Variants in ARHGEF9 observed in about 807,000 individuals in gnomAD.
ARHGEF9 encodes Cdc42 guanine nucleotide exchange factor 9.
In ARHGEF9, 2 loss-of-function variants were observed where a neutral mutation model predicts 41.3. That is an observed-to-expected ratio of 0.05 (90% CI 0.02 to 0.15). The LOEUF is 0.15. Ranked by LOEUF, ARHGEF9 falls within the 10% of genes least tolerant of loss-of-function variation. The pLI, the probability that ARHGEF9 is intolerant of heterozygous loss-of-function variation, is 1.00. For synonymous variants in ARHGEF9, 160 were observed against 154.4 expected (o/e 1.04, Z -0.27); for missense variants, 225 against 424.7 (o/e 0.53, Z 4.13).
chrX:63,749,164 T>C lies in ARHGEF9; in HGVS notation c.31-24453A>G, dbSNP rs782406665. 2.7e-5 allele frequency among the ~76,000 whole-genome samples: 3 copies of C among 112,600 alleles called. No individual in the cohort carries two copies. In the South Asian group the frequency reaches 1.1e-3, roughly 41 times the overall value. ...ATACAAATGAAAGTTATTAAAAATGTGAGTAGCTGAGGAAGCTAGTATGAC... is the reference window on the plus strand; with the variant it reads ...ATACAAATGAAAGTTATTAAAAATGCGAGTAGCTGAGGAAGCTAGTATGAC... On this transcript the variant is annotated intron_variant, in intron 1 of 9. Transcript: ENST00000671741.
chrX:63,753,997 T>C (rs1556444067), intron 1 of ARHGEF9, among the ~76,000 whole-genome samples: 1 of 111,716 alleles, frequency 9.0e-6, no homozygotes, highest in African/African-American at 3.3e-5. Context: ...CCACAAACCC[T>C]TTTCCCCTCA....
At chrX:63,720,220 A>G (rs2053560244) in intron 2 of ARHGEF9, among the ~76,000 whole-genome samples, 1 of 112,161 alleles carries the variant, frequency 8.9e-6, no homozygotes, top group African/African-American at 3.2e-5. Context: ...CCAGGAAAGT[A>G]GTATTGTTTG....
intron 9 of ARHGEF9, chrX:63,641,105 A>G (rs2047597127): frequency 9.0e-6 from 1 of 111,236 alleles, no homozygotes; most frequent in Non-Finnish European, 1.9e-5. Flanking sequence ...TAATCCCAGA[A>G]CTTTGGGAGG....
chrX:63,656,011 T>C (rs1414102053), intron 7 of ARHGEF9, among the ~76,000 whole-genome samples: 2 of 111,519 alleles, frequency 1.8e-5, no homozygotes, highest in Non-Finnish European at 3.8e-5. Context: ...TGATGGGAGG[T>C]AGGAAACAGT....
Position 63,649,783 on chromosome X carries a change from A to C in ARHGEF9, c.1321+5711T>G, listed in dbSNP as rs1433589538. On this transcript the variant is annotated intron_variant, in intron 8 of 9. Transcript: ENST00000671741. ...ATCACCACTGATCCCACAGAAATACAAACTACCATCAGAGAATACTATAAA... is the reference window on the plus strand; with the variant it reads ...ATCACCACTGATCCCACAGAAATACCAACTACCATCAGAGAATACTATAAA... Among the ~76,000 whole-genome samples the C allele has an allele frequency of 2.7e-5, 3 of 112,034 alleles. No homozygotes were observed. The East Asian group carries it at 8.4e-4, about 31-fold the overall frequency.
At chrX:63,735,677 A>C (rs1264787841) in intron 1 of ARHGEF9, among the ~76,000 whole-genome samples, 1 of 111,304 alleles carries the variant, frequency 9.0e-6, no homozygotes, top group African/African-American at 3.3e-5. Context: ...TCTAGAGATG[A>C]AGCAGGAAAA....
chrX:63,774,027 A>C (rs1288979670), intron 1 of ARHGEF9, among the ~76,000 whole-genome samples: 7 of 106,108 alleles, frequency 6.6e-5, no homozygotes, highest in African/African-American at 2.4e-4. Flanking sequence ...CTCCATAATC[A>C]TGAGCAAATC....
chrX:63,700,753 G>A (rs1319537566), intron 3 of ARHGEF9, among the ~76,000 whole-genome samples: 1 of 111,130 alleles, frequency 9.0e-6, no homozygotes, highest in Non-Finnish European at 1.9e-5. Context: ...GTTTGTCTTA[G>A]ATAACACTCA....
intron 8 of ARHGEF9, among the ~76,000 whole-genome samples, chrX:63,646,199 A>G (rs1269782602): frequency 3.6e-5 from 4 of 111,508 alleles, no homozygotes; most frequent in Admixed American, 9.5e-5. Flanking sequence ...CTCTGATGGT[A>G]GTTTCTTTTG....
At chrX:63,771,335 C>T (rs1359725782) in intron 1 of ARHGEF9, among the ~76,000 whole-genome samples, 2 of 111,862 alleles carry the variant, frequency 1.8e-5, no homozygotes, top group Non-Finnish European at 3.8e-5. Flanking sequence ...ATTTCATGCT[C>T]AAAACAATAG....
At chrX:63,658,286 C>T (rs2048994663) in intron 7 of ARHGEF9, among the ~76,000 whole-genome samples, 1 of 111,773 alleles carries the variant, frequency 8.9e-6, no homozygotes, top group African/African-American at 3.3e-5. Flanking sequence ...TTTTCAGGCG[C>T]TAGATTTGTC....
chrX:63,672,261 T>G (rs1264817251), intron 6 of ARHGEF9, among the ~76,000 whole-genome samples: 1 of 110,200 alleles, frequency 9.1e-6, no homozygotes, highest in African/African-American at 3.3e-5. Context: ...CTTCCACAAT[T>G]ATGAGAAATA....
intron 1 of ARHGEF9, among the ~76,000 whole-genome samples, chrX:63,766,340 G>A (rs1156945856): frequency 2.7e-5 from 3 of 111,979 alleles, no homozygotes; most frequent in African/African-American, 9.8e-5. Flanking sequence ...ATCCAGAGGA[G>A]TTAGGTAATT....
intron 8 of ARHGEF9, among the ~76,000 whole-genome samples, chrX:63,644,763 T>TTA (rs1491226124): frequency 1.3e-5 from 1 of 78,077 alleles, no homozygotes; most frequent in Admixed American, 1.2e-4. Flanking sequence ...ATTATTATTA[T>TTA]TTTTTTTTTT....
chrX:63,738,132 G>T (rs868971079), intron 1 of ARHGEF9, among the ~76,000 whole-genome samples: 2 of 111,823 alleles, frequency 1.8e-5, no homozygotes, highest in Admixed American at 9.5e-5. Context: ...ACTTTCCACA[G>T]CACATCTTCA....
At chrX:63,737,949 A>G (rs782330731) in intron 1 of ARHGEF9, among the ~76,000 whole-genome samples, 1 of 112,316 alleles carries the variant, frequency 8.9e-6, no homozygotes, top group South Asian at 3.7e-4. Flanking sequence ...AATGTTTACT[A>G]TGTGTCAGAG....
At chrX:63,746,050 T>A (rs2055253593) in intron 1 of ARHGEF9, among the ~76,000 whole-genome samples, 1 of 112,229 alleles carries the variant, frequency 8.9e-6, no homozygotes. Context: ...AGCTGACGCC[T>A]AGGTGGGAAG....
rs1556296114 is a variant in ARHGEF9, at chrX:63,635,406, G to A, written c.*2622C>T. 1 of 522,956 alleles carries A rather than the reference G, an allele frequency of 1.9e-6. No individual in the cohort carries two copies. Among genetic ancestry groups the A allele is most frequent in the Non-Finnish European group, 3.5e-6 (1 of 286,100 alleles). The allele number at this position is 522,956 out of a possible 1,213,427, so 43.1% of individuals were successfully genotyped here. A position where few individuals can be genotyped will look rare whatever the true frequency, so the allele number is the denominator to read the frequency against. ...TGGCCTCACTGAGTTGAGGAAAAGG[G>A]AGCTCAGGGCCATGCGGAAATTACA... On this transcript the variant is annotated 3_prime_UTR_variant, in exon 10 of 10. Coordinates refer to ENST00000671741, the MANE Select transcript of ARHGEF9 (RefSeq NM_001353921.2).
At chrX:63,710,643 A>T (rs1278834586) in intron 2 of ARHGEF9, among the ~76,000 whole-genome samples, 13 of 111,341 alleles carry the variant, frequency 1.2e-4, no homozygotes, top group African/African-American at 3.6e-4. Flanking sequence ...ATGATTAAAA[A>T]AAAAATACTA....
Sources: gnomAD v4.1 joint callset for allele counts (sites outside exome capture counted in the v4.1 genomes callset) on GRCh38, gnomAD v4.1.1 for gene constraint, MANE v1.5 for transcripts, NCBI Gene and HGNC (gene_info 2026-07-23, HGNC 2026-07-21) for gene names.